Variants in TGFA observed in about 807,000 individuals in gnomAD.
The protein encoded by TGFA is transforming growth factor alpha.
In TGFA, 12 loss-of-function variants were observed where a neutral mutation model predicts 21.7. The observed-to-expected ratio is 0.55, with a 90% CI of 0.35 to 0.90. The LOEUF (loss-of-function observed/expected upper bound fraction) is 0.90. Among genes scored for constraint, TGFA ranks in the 40% least tolerant of loss-of-function variants. TGFA has a pLI of 0.01. For synonymous variants in TGFA, 79 were observed against 88.1 expected (o/e 0.90, Z 0.58); for missense variants, 178 against 210.8 (o/e 0.84, Z 0.96).
At chr2:70,476,142 G>T (rs1039691157) in intron 2 of TGFA, among the ~76,000 whole-genome samples, 3 of 145,156 alleles carry the variant, frequency 2.1e-5, no homozygotes, top group African/African-American at 7.6e-5. Flanking sequence ...TTGCTTTGAG[G>T]ACTGGAAGCT....
intron 1 of TGFA, among the ~76,000 whole-genome samples, chr2:70,519,419 G>A (rs148518546): frequency 5.7e-4 from 87 of 152,268 alleles, no homozygotes; most frequent in Admixed American, 4.4e-3. Flanking sequence ...TTTTAACTGC[G>A]TAGCAAAAAT....
intron 1 of TGFA, among the ~76,000 whole-genome samples, chr2:70,520,115 G>A (rs376753148): frequency 2.2e-4 from 33 of 152,110 alleles, no homozygotes; most frequent in African/African-American, 7.2e-4. Flanking sequence ...CACTTGATGG[G>A]GCTTCATGTT....
intron 2 of TGFA, among the ~76,000 whole-genome samples, chr2:70,492,917 T>C (rs1671475874): frequency 6.6e-6 from 1 of 152,220 alleles, no homozygotes; most frequent in Non-Finnish European, 1.5e-5. Flanking sequence ...CTATAGCAAT[T>C]TGTGTCCAAT....
chr2:70,551,837 G>A (rs1553506875), intron 1 of TGFA, among the ~76,000 whole-genome samples: 1 of 152,074 alleles, frequency 6.6e-6, no homozygotes, highest in Non-Finnish European at 1.5e-5. Flanking sequence ...AAGCTGAAAA[G>A]AACATTCAGG....
intron 1 of TGFA, among the ~76,000 whole-genome samples, chr2:70,523,691 G>A (rs1559134767): frequency 6.6e-6 from 1 of 152,108 alleles, no homozygotes; most frequent in Non-Finnish European, 1.5e-5. Context: ...TCACTCACAT[G>A]GACTAGTATC....
intron 2 of TGFA, among the ~76,000 whole-genome samples, chr2:70,479,999 T>G (rs567187166): frequency 6.6e-6 from 1 of 152,332 alleles, no homozygotes; most frequent in East Asian, 1.9e-4. Flanking sequence ...TCTGCTTTCG[T>G]GTAGCATCAT....
At chr2:70,465,989 C>G (rs1313535446) in intron 2 of TGFA, among the ~76,000 whole-genome samples, 2 of 152,192 alleles carry the variant, frequency 1.3e-5, no homozygotes, top group African/African-American at 4.8e-5. Flanking sequence ...TAACGTAATT[C>G]AAAGACAACA....
chr2:70,490,592 AAGG>A (rs1671405136), intron 2 of TGFA, among the ~76,000 whole-genome samples: 1 of 152,236 alleles, frequency 6.6e-6, no homozygotes, highest in Non-Finnish European at 1.5e-5. Context: ...CCCGCTTAGA[AAGG>A]AGGTTTTGTT....
chr2:70,530,453 T>G (rs933451617), intron 1 of TGFA, among the ~76,000 whole-genome samples: 9 of 152,288 alleles, frequency 5.9e-5, no homozygotes, highest in African/African-American at 1.9e-4. Context: ...AGAAGAAGAA[T>G]AAGAACACAC....
At chr2:70,479,262 G>T (rs377185675) in intron 2 of TGFA, among the ~76,000 whole-genome samples, 2 of 152,080 alleles carry the variant, frequency 1.3e-5, no homozygotes, top group Non-Finnish European at 2.9e-5. Flanking sequence ...TCCATATAAC[G>T]AAATATTATA....
chr2:70,501,237 A>G (rs554876048), intron 2 of TGFA, among the ~76,000 whole-genome samples: 98 of 151,624 alleles, frequency 6.5e-4, no homozygotes, highest in Non-Finnish European at 1.0e-3. Flanking sequence ...AAAAATTTTT[A>G]AAGTGCTCTT....
In TGFA at chr2:70,462,224, G is replaced by T. The variant is rs568891477; in HGVS notation, c.215+3392C>A. ...CTCTGCATGCACTCAAGAGTTTCTG[G>T]TCTAGTGGGAATTCATTAATTAGAA... On this transcript the variant is annotated intron_variant, in intron 3 of 5. Transcript: ENST00000295400. Among the ~76,000 whole-genome samples, 16 of 152,306 alleles carry T rather than the reference G, an allele frequency of 1.1e-4. No homozygotes were observed. In the South Asian group the frequency reaches 2.9e-3, roughly 28 times the overall value.
intron 2 of TGFA, among the ~76,000 whole-genome samples, chr2:70,511,872 T>C (rs1462815225): frequency 6.6e-6 from 1 of 150,658 alleles, no homozygotes; most frequent in Non-Finnish European, 1.5e-5. Context: ...ACAGAGAGTT[T>C]TACTTATTAG....
intron 2 of TGFA, among the ~76,000 whole-genome samples, chr2:70,512,779 T>C (rs1672141568): frequency 6.6e-6 from 1 of 152,182 alleles, no homozygotes; most frequent in Admixed American, 6.5e-5. Context: ...TCTGTCTGAA[T>C]GGATGGAGAC....
chr2:70,507,302 T>G (rs1479572004), intron 2 of TGFA, among the ~76,000 whole-genome samples: 3 of 152,246 alleles, frequency 2.0e-5, no homozygotes, highest in African/African-American at 7.2e-5. Flanking sequence ...GAAAGCACAA[T>G]GCAAATGAAA....
Position 70,553,729 on chromosome 2 carries a change from C to T in TGFA, c.39G>A (p.Leu13=). 2 of 1,333,736 alleles carry T rather than the reference C, an allele frequency of 1.5e-6. No individual in the cohort carries two copies. Among genetic ancestry groups the T allele is most frequent in the Non-Finnish European group, 1.9e-6 (2 of 1,038,194 alleles). The allele number at this position is 1,333,736 out of a possible 1,614,324, so 82.6% of individuals were successfully genotyped here. ...GGGCGCCGCAGCCGGCGTACGTACC[C>T]AGAGCGAACAGGGCGAGCTGTCCAG... ...PSAGQLALFA[L]GIVLAACQAL... is the part of the protein sequence containing the mutation. The change falls in exon 1 of 6, where the codon CTG becomes CTA. Residue 13 remains leucine (L), a splice_region_variant and synonymous_variant. Transcript: ENST00000295400.
chr2:70,472,647 C>T (rs1448473349), intron 2 of TGFA, among the ~76,000 whole-genome samples: 1 of 152,208 alleles, frequency 6.6e-6, no homozygotes, highest in African/African-American at 2.4e-5. Flanking sequence ...CAGCCCTGCT[C>T]CCCTGGGAGC....
chr2:70,546,235 A>G (rs1330515158), intron 1 of TGFA, among the ~76,000 whole-genome samples: 3 of 152,110 alleles, frequency 2.0e-5, no homozygotes. Context: ...AAATTAACCA[A>G]TTCAGAGCAA....
chr2:70,522,168 A>G (rs560814213), intron 1 of TGFA, among the ~76,000 whole-genome samples: 2 of 152,274 alleles, frequency 1.3e-5, no homozygotes, highest in South Asian at 4.1e-4. Flanking sequence ...GCACCTACAT[A>G]GGATTTTAAT....
Sources: allele counts gnomAD v4.1 joint callset (sites outside exome capture counted in the v4.1 genomes callset), GRCh38; gene constraint gnomAD v4.1.1; transcripts MANE v1.5; gene names NCBI Gene and HGNC (gene_info 2026-07-23, HGNC 2026-07-21).